The following MGRN1 variants were observed in gnomAD, a reference collection of about 807,000 sequenced individuals.
MGRN1 encodes the protein mahogunin ring finger 1, also known as E3 ubiquitin-protein ligase MGRN1.
In MGRN1, 29 loss-of-function variants were observed where a neutral mutation model predicts 69.2. The observed-to-expected ratio is 0.42, with a 90% CI of 0.31 to 0.57. The LOEUF (loss-of-function observed/expected upper bound fraction) is 0.57. Ranked by LOEUF, MGRN1 falls within the 20% of genes least tolerant of loss-of-function variation. MGRN1 has a pLI of 0.15. For missense variants in MGRN1, 998 were observed against 796.2 expected, an observed-to-expected ratio of 1.25 and a Z score of -3.05; for synonymous variants, 470 against 344.2, an observed-to-expected ratio of 1.37 and a Z score of -4.04.
intron 1 of MGRN1, among the ~76,000 whole-genome samples, chr16:4,640,973 C>T (rs752372172): frequency 1.3e-5 from 2 of 152,158 alleles, no homozygotes; most frequent in Non-Finnish European, 2.9e-5. Context: ...TTGGGGCCAG[C>T]GGGAAAGGGG....
intron 16 of MGRN1, chr16:4,686,873 G>C (rs1057126346): frequency 1.0e-6 from 1 of 985,490 alleles, no homozygotes; most frequent in Non-Finnish European, 1.2e-6. Flanking sequence ...CGCCCCGATT[G>C]GGAGAGCCCC....
Position 4,657,335 on chromosome 16 carries a change from T to C in MGRN1, c.533T>C (p.Ile178Thr), listed in dbSNP as rs763172231. The part of the protein sequence containing the change: ...SQQFSLPSFK[I>T]DFSEWKDDEL... ...CAGTTCTCCCTGCCCTCCTTCAAGA[T>C]TGACTTCTCGGAATGGAAGGATGAC... The change falls in exon 5 of 17, where the codon ATT (isoleucine) becomes ACT (threonine). Residue 178 changes from isoleucine (I) to threonine (T), a missense_variant. Physicochemically the swap from Ile to Thr is moderately conservative, Grantham distance 89. Transcript: ENST00000262370. The C allele has an allele frequency of 4.3e-6, 7 of 1,613,978 alleles. No individual in the cohort carries two copies. Among genetic ancestry groups the C allele is most frequent in the East Asian group, 2.2e-5 (1 of 44,896 alleles).
At chr16:4,682,441 C>T (rs1029620377) in intron 13 of MGRN1, among the ~76,000 whole-genome samples, 1 of 152,212 alleles carries the variant, frequency 6.6e-6, no homozygotes, top group African/African-American at 2.4e-5. Context: ...GGCGCGGGTT[C>T]TGCAGGCCCG....
intron 10 of MGRN1, among the ~76,000 whole-genome samples, chr16:4,674,621 C>CTTT (rs2079014394): frequency 2.2e-4 from 13 of 59,814 alleles, no homozygotes; most frequent in Admixed American, 3.9e-4. Context: ...CTTTTCTTTT[C>CTTT]TTTTCTTTTT....
At chr16:4,630,597 G>A (rs996831302) in intron 1 of MGRN1, among the ~76,000 whole-genome samples, 3 of 151,564 alleles carry the variant, frequency 2.0e-5, no homozygotes, top group Non-Finnish European at 4.4e-5. Context: ...ACAGGTGCGA[G>A]CCACCACGCC....
At chr16:4,664,174 A>G (rs2078747510) in intron 5 of MGRN1, 1 of 168,398 alleles carries the variant, frequency 5.9e-6, no homozygotes, top group African/African-American at 2.4e-5. Context: ...GGATATCCAC[A>G]CAGTGCCTGT....
intron 16 of MGRN1, chr16:4,688,395 C>T (rs879354098): frequency 3.9e-6 from 4 of 1,014,428 alleles, no homozygotes; most frequent in African/African-American, 1.7e-5. Flanking sequence ...CCCACCCCTG[C>T]ACCCTGGGTT....
chr16:4,655,824 C>G (rs902120016), intron 4 of MGRN1, among the ~76,000 whole-genome samples: 6 of 152,264 alleles, frequency 3.9e-5, no homozygotes, highest in African/African-American at 1.4e-4. Flanking sequence ...CTCCCTGCCT[C>G]CTGACAAGGA....
At chr16:4,667,447 G>A (rs1430460297) in intron 7 of MGRN1, among the ~76,000 whole-genome samples, 2 of 152,162 alleles carry the variant, frequency 1.3e-5, no homozygotes, top group African/African-American at 4.8e-5. Context: ...TCCCCGGCCC[G>A]GACTCGTCAG....
At chr16:4,645,856 A>T (rs1475854901) in intron 1 of MGRN1, among the ~76,000 whole-genome samples, 2 of 152,138 alleles carry the variant, frequency 1.3e-5, no homozygotes, top group Non-Finnish European at 2.9e-5. Context: ...AGACCTGGGG[A>T]CCCAGGGGAT....
chr16:4,667,929 C>T (rs1313162477), intron 7 of MGRN1, among the ~76,000 whole-genome samples: 1 of 151,914 alleles, frequency 6.6e-6, no homozygotes, highest in Non-Finnish European at 1.5e-5. Context: ...TGCAGGAGGC[C>T]CTTGTCCATC....
chr16:4,673,733 A>G (rs2078992487), intron 10 of MGRN1, 76 bp downstream of exon 10: 1 of 1,526,280 alleles, frequency 6.6e-7, no homozygotes. Context: ...GTCCTGGGAT[A>G]GGGGGCCACA....
At chr16:4,640,289 T>C (rs2078129461) in intron 1 of MGRN1, 1 of 152,452 alleles carries the variant, frequency 6.6e-6, no homozygotes, top group Non-Finnish European at 1.5e-5. Context: ...TGTGGCCTTG[T>C]GGTTTTGGTT....
chr16:4,639,298 G>A (rs772980288), intron 1 of MGRN1, among the ~76,000 whole-genome samples: 4 of 152,130 alleles, frequency 2.6e-5, no homozygotes, highest in Non-Finnish European at 5.9e-5. Context: ...CGTTGACCAC[G>A]AGCTGGCAGT....
intron 1 of MGRN1, among the ~76,000 whole-genome samples, chr16:4,632,807 G>C (rs1248779785): frequency 6.6e-6 from 1 of 152,156 alleles, no homozygotes; most frequent in Non-Finnish European, 1.5e-5. Flanking sequence ...TCACGGCCAG[G>C]CGTGGTGGCT....
chr16:4,678,390 C>G (rs1179201894), intron 11 of MGRN1, among the ~76,000 whole-genome samples: 3 of 151,958 alleles, frequency 2.0e-5, no homozygotes, highest in Non-Finnish European at 4.4e-5. Context: ...TGGAGAGACA[C>G]AGGGAGAGGC....
At chr16:4,671,565 C>T (rs1393300815) in intron 9 of MGRN1, 106 bp downstream of exon 9, 3 of 979,410 alleles carry the variant, frequency 3.1e-6, no homozygotes, top group Non-Finnish European at 4.9e-6. Flanking sequence ...CCCCTGGAGT[C>T]CTAGACCCGC....
chr16:4,683,423 G>A (rs986379212), intron 15 of MGRN1, among the ~76,000 whole-genome samples, 154 bp downstream of exon 15: 3 of 152,218 alleles, frequency 2.0e-5, no homozygotes, highest in South Asian at 2.1e-4. Context: ...CTGGGATCCC[G>A]GCTGGGAGGG....
At chr16:4,652,335 C>T (rs1454856904) in intron 3 of MGRN1, among the ~76,000 whole-genome samples, 1 of 152,076 alleles carries the variant, frequency 6.6e-6, no homozygotes, top group African/African-American at 2.4e-5. Flanking sequence ...AGGGGTGCTG[C>T]AGACTTCCTG....
Sources: allele counts gnomAD v4.1 joint callset (sites outside exome capture counted in the v4.1 genomes callset), GRCh38; gene constraint gnomAD v4.1.1; transcripts MANE v1.5; gene names NCBI Gene and HGNC (gene_info 2026-07-23, HGNC 2026-07-21).